Variants in PRKCE observed in about 807,000 individuals in gnomAD.
PRKCE encodes protein kinase C epsilon.
A neutral mutation model predicts 85.4 loss-of-function variants in PRKCE; 16 were observed. That is an observed-to-expected ratio of 0.19 (90% CI 0.13 to 0.28). PRKCE has a LOEUF of 0.28. Ranked by LOEUF, PRKCE falls within the 10% of genes least tolerant of loss-of-function variation. The pLI is 1.00. For synonymous variants in PRKCE, 388 were observed against 371.5 expected (o/e 1.04, Z -0.51); for missense variants, 573 against 975.2 (o/e 0.59, Z 5.49).
rs530651441 is a variant in PRKCE, at chr2:46,040,344, G to A, written c.1437+29827G>A. Among the ~76,000 whole-genome samples, 11 of 152,324 alleles carry A rather than the reference G, an allele frequency of 7.2e-5. No homozygotes were observed. The South Asian group carries it at 1.0e-3, about 14-fold the overall frequency. ...GTGAAGGGTGAACAGCAATTAGACC[G>A]TAATCTGGTTACACTGGAGGGTACT... On this transcript the variant is annotated intron_variant, in intron 10 of 14. Coordinates refer to ENST00000306156, the MANE Select transcript of PRKCE (RefSeq NM_005400.3).
At chr2:45,814,341 G>A (rs994835927) in intron 1 of PRKCE, among the ~76,000 whole-genome samples, 3 of 152,202 alleles carry the variant, frequency 2.0e-5, no homozygotes, top group African/African-American at 7.2e-5. Context: ...CGATACCCTT[G>A]CCTCGCAGCC....
At chr2:45,756,949 C>T (rs1031212296) in intron 1 of PRKCE, among the ~76,000 whole-genome samples, 6 of 152,142 alleles carry the variant, frequency 3.9e-5, no homozygotes, top group Non-Finnish European at 5.9e-5. Flanking sequence ...TCAAGGTTTA[C>T]TCTTATTTAA....
At chr2:46,077,742 C>T (rs761479684) in intron 10 of PRKCE, among the ~76,000 whole-genome samples, 11 of 152,308 alleles carry the variant, frequency 7.2e-5, no homozygotes, top group Non-Finnish European at 1.3e-4. Flanking sequence ...AGATGAGACT[C>T]TTTCATTCTG....
intron 11 of PRKCE, among the ~76,000 whole-genome samples, chr2:46,129,328 A>G (rs1258198189): frequency 6.6e-6 from 1 of 152,194 alleles, no homozygotes; most frequent in Non-Finnish European, 1.5e-5. Flanking sequence ...GCAGGTGCTC[A>G]GTACGTAGCT....
intron 2 of PRKCE, among the ~76,000 whole-genome samples, chr2:45,950,597 G>GT: frequency 6.6e-6 from 1 of 152,250 alleles, no homozygotes; most frequent in South Asian, 2.1e-4. Context: ...CTGTGCCCCA[G>GT]TTTCCCCTGG....
chr2:45,986,703 G>A (rs1053710900), intron 6 of PRKCE, among the ~76,000 whole-genome samples: 1 of 152,210 alleles, frequency 6.6e-6, no homozygotes, highest in African/African-American at 2.4e-5. Context: ...AATAGCAATT[G>A]TGGGGACAGA....
chr2:45,967,347 C>T (rs1263442393), intron 2 of PRKCE, among the ~76,000 whole-genome samples: 5 of 152,212 alleles, frequency 3.3e-5, no homozygotes, highest in Non-Finnish European at 7.3e-5. Flanking sequence ...TCTGTCACTT[C>T]TGGTCCTTAC....
At chr2:45,655,813 C>T (rs1442676715) in intron 1 of PRKCE, among the ~76,000 whole-genome samples, 1 of 134,546 alleles carries the variant, frequency 7.4e-6, no homozygotes. Flanking sequence ...CACGGCATTC[C>T]AGCCTGGGTG....
intron 6 of PRKCE, among the ~76,000 whole-genome samples, chr2:45,998,326 C>A (rs1704383150): frequency 6.6e-6 from 1 of 152,164 alleles, no homozygotes; most frequent in Non-Finnish European, 1.5e-5. Flanking sequence ...CCTTGTAGTA[C>A]CATCAGTTTT....
intron 1 of PRKCE, among the ~76,000 whole-genome samples, chr2:45,677,353 T>C (rs554845597): frequency 0.02 from 2,695 of 137,290 alleles, 41 homozygotes; most frequent in Non-Finnish European, 0.03. Context: ...GTTGTTGTTG[T>C]TTTTTTTTTT....
At chr2:45,879,386 A>G (rs754836689) in intron 2 of PRKCE, among the ~76,000 whole-genome samples, 1 of 152,172 alleles carries the variant, frequency 6.6e-6, no homozygotes, top group Non-Finnish European at 1.5e-5. Flanking sequence ...CAATTCATTC[A>G]TGTGACCTGA....
intron 10 of PRKCE, among the ~76,000 whole-genome samples, chr2:46,071,596 G>A (rs1230411854): frequency 6.6e-6 from 1 of 152,134 alleles, no homozygotes; most frequent in African/African-American, 2.4e-5. Flanking sequence ...GAAGGATGAG[G>A]AAAGCTATAG....
intron 10 of PRKCE, among the ~76,000 whole-genome samples, chr2:46,055,244 G>C (rs912940301): frequency 6.6e-6 from 1 of 152,170 alleles, no homozygotes; most frequent in African/African-American, 2.4e-5. Context: ...GCTGCCACGG[G>C]GCCCTCACAG....
intron 11 of PRKCE, among the ~76,000 whole-genome samples, chr2:46,136,582 A>G (rs1404145968): frequency 1.3e-5 from 2 of 152,114 alleles, no homozygotes; most frequent in African/African-American, 2.4e-5. Context: ...CTGCAAACCT[A>G]TGATGATACC....
chr2:45,869,706 CTT>C (rs71394860), intron 2 of PRKCE, among the ~76,000 whole-genome samples: 6,448 of 109,116 alleles, frequency 0.059, 144 homozygotes, highest in Non-Finnish European at 0.083. Context: ...TTCTCTCTCT[CTT>C]TTTTTTTTTT....
chr2:45,685,649 C>G (rs1483288959), intron 1 of PRKCE: 1 of 152,144 alleles, frequency 6.6e-6, no homozygotes. Flanking sequence ...CAAAAATTAG[C>G]CAGCCATTGT....
chr2:45,788,883 T>C (rs1243114007), intron 1 of PRKCE, among the ~76,000 whole-genome samples: 4 of 152,228 alleles, frequency 2.6e-5, no homozygotes, highest in Admixed American at 6.5e-5. Context: ...GAGAAGGGCA[T>C]TGACTTACAC....
chr2:45,968,093 G>T (rs1229508842), intron 2 of PRKCE, among the ~76,000 whole-genome samples: 1 of 152,202 alleles, frequency 6.6e-6, no homozygotes, highest in Non-Finnish European at 1.5e-5. Context: ...AGGCAAGGTT[G>T]ACCCTTGTTC....
chr2:45,675,240 T>G (rs1254700442), intron 1 of PRKCE: 9 of 152,210 alleles, frequency 5.9e-5, no homozygotes, highest in African/African-American at 2.2e-4. Flanking sequence ...AGAAAACGTT[T>G]CCCCAGACCA....
Sources: allele counts gnomAD v4.1 joint callset (sites outside exome capture counted in the v4.1 genomes callset), GRCh38; gene constraint gnomAD v4.1.1; transcripts MANE v1.5; gene names NCBI Gene and HGNC (gene_info 2026-07-23, HGNC 2026-07-21).